Variants in FAM13A observed in about 807,000 individuals in gnomAD.
FAM13A encodes the protein protein FAM13A.
FAM13A carries 76 observed loss-of-function variants against 129.6 expected under a neutral mutation model. That is an observed-to-expected ratio of 0.59 (90% CI 0.49 to 0.71). The LOEUF (loss-of-function observed/expected upper bound fraction) is 0.71, where lower values mean the gene tolerates loss of function less well. Among genes scored for constraint, FAM13A ranks in the 30% least tolerant of loss-of-function variants. The probability of loss-of-function intolerance (pLI) is 0.00; values close to 1 mark genes in which losing one functional copy is unlikely to be tolerated. For missense variants in FAM13A, 1,108 were observed against 1,249.3 expected (o/e 0.89, Z 1.70); for synonymous variants, 443 against 449.9 (o/e 0.98, Z 0.20).
At chr4:88,952,349 T>C (rs867663344) in intron 4 of FAM13A, among the ~76,000 whole-genome samples, 47 of 152,172 alleles carry the variant, frequency 3.1e-4, no homozygotes, top group African/African-American at 1.1e-3. Context: ...TTCATTGCTA[T>C]AGTATTGATC....
intron 3 of FAM13A, among the ~76,000 whole-genome samples, chr4:88,998,162 G>A (rs1763800464): frequency 6.6e-6 from 1 of 152,170 alleles, no homozygotes; most frequent in African/African-American, 2.4e-5. Context: ...GAGATTTAGA[G>A]TAGAGGAACC....
At chr4:88,849,458 T>C (rs1183087570) in intron 7 of FAM13A, among the ~76,000 whole-genome samples, 1 of 152,230 alleles carries the variant, frequency 6.6e-6, no homozygotes, top group Non-Finnish European at 1.5e-5. Context: ...TTCTTTTGCA[T>C]TTGCTATTAT....
intron 1 of FAM13A, among the ~76,000 whole-genome samples, chr4:89,048,968 A>C (rs1238457212): frequency 1.3e-5 from 2 of 152,254 alleles, no homozygotes; most frequent in Non-Finnish European, 2.9e-5. Flanking sequence ...AACAGAAAAG[A>C]ACCATATTGT....
At chr4:88,858,105 G>A (rs1474482387) in intron 6 of FAM13A, among the ~76,000 whole-genome samples, 1 of 152,198 alleles carries the variant, frequency 6.6e-6, no homozygotes, top group Non-Finnish European at 1.5e-5. Context: ...ATTAATGCAT[G>A]ACTATGAGTC....
At chr4:88,841,883 A>G (rs1305094753) in intron 7 of FAM13A, among the ~76,000 whole-genome samples, 1 of 152,202 alleles carries the variant, frequency 6.6e-6, no homozygotes, top group African/African-American at 2.4e-5. Context: ...CATATGATTC[A>G]GCAATTCCAC....
intron 4 of FAM13A, among the ~76,000 whole-genome samples, chr4:88,974,761 A>G (rs1760669860): frequency 6.6e-6 from 1 of 152,232 alleles, no homozygotes; most frequent in African/African-American, 2.4e-5. Context: ...TATCAAAACC[A>G]GAAGAAAGAG....
At chr4:88,788,287 T>C (rs1469107848) in intron 9 of FAM13A, among the ~76,000 whole-genome samples, 3 of 152,124 alleles carry the variant, frequency 2.0e-5, no homozygotes, top group African/African-American at 4.8e-5. Flanking sequence ...AGAATAATAG[T>C]AGACCTATTC....
intron 6 of FAM13A, among the ~76,000 whole-genome samples, chr4:88,875,748 C>G (rs936084924): frequency 1.3e-5 from 2 of 152,176 alleles, no homozygotes; most frequent in African/African-American, 4.8e-5. Context: ...CCTCAAGGAT[C>G]TAGAACTAGA....
At chr4:88,776,972 T>TCAAACAAACAAA (rs373186617) in intron 11 of FAM13A, among the ~76,000 whole-genome samples, 18 of 151,834 alleles carry the variant, frequency 1.2e-4, no homozygotes, top group African/African-American at 4.4e-4. Context: ...AAACTCCATC[T>TCAAACAAACAAA]CAAACAAACA....
At position 88,731,416 on chromosome 4, in the gene FAM13A, CA is replaced by C; in HGVS notation, c.2855del (p.Leu952ArgfsTer7). The C allele has an allele frequency of 6.3e-7, 1 of 1,593,392 alleles. No individual in the cohort carries two copies. ...NLHAASIPEL[L>X]EHLQEMREEK... ...CTTCTCTCATTTCCTGGAGGTGTTC[CA>C]GGAGTTCAGGTCTAAGAGAGAGGAA... is the stretch of plus-strand genomic sequence containing the variant. On this transcript the variant is annotated frameshift_variant, in exon 23 of 24. Coordinates refer to ENST00000264344, the MANE Select transcript of FAM13A (RefSeq NM_014883.4). LOFTEE classifies it high-confidence loss of function.
chr4:88,965,860 A>G (rs1005241590), intron 4 of FAM13A, among the ~76,000 whole-genome samples: 7 of 152,200 alleles, frequency 4.6e-5, no homozygotes, highest in African/African-American at 1.7e-4. Flanking sequence ...AACGTCGGCA[A>G]GGTTCGTCCA....
chr4:88,979,461 T>C (rs972576952), intron 4 of FAM13A, among the ~76,000 whole-genome samples: 1 of 152,238 alleles, frequency 6.6e-6, no homozygotes, highest in Non-Finnish European at 1.5e-5. Flanking sequence ...CCAGGCCTTC[T>C]GGATTCAGAA....
intron 19 of FAM13A, among the ~76,000 whole-genome samples, chr4:88,741,751 T>C (rs772926662): frequency 2.6e-5 from 4 of 152,184 alleles, no homozygotes; most frequent in Non-Finnish European, 2.9e-5. Context: ...GATTTTGGGA[T>C]TTGGGATGCT....
Position 88,869,558 on chromosome 4 carries a change from T to C in FAM13A, c.844-18375A>G, listed in dbSNP as rs532187032. Among the ~76,000 whole-genome samples, 3 of 152,360 alleles carry C rather than the reference T, an allele frequency of 2.0e-5. No homozygotes were observed. In the East Asian group the frequency reaches 5.8e-4, roughly 29 times the overall value. On this transcript the variant is annotated intron_variant, in intron 6 of 23. Transcript: ENST00000264344. ...GTAGATTCCTTCAAGAGGTCTTCCC[T>C]GATGTATCAGCTTAAATCAGGCACC...
chr4:89,022,976 T>C (rs1054340164), intron 2 of FAM13A, among the ~76,000 whole-genome samples: 3 of 152,228 alleles, frequency 2.0e-5, no homozygotes, highest in African/African-American at 7.2e-5. Flanking sequence ...GCTGACACCA[T>C]GATCACGGCC....
At chr4:88,948,369 A>C (rs1292237077) in intron 4 of FAM13A, among the ~76,000 whole-genome samples, 1 of 152,158 alleles carries the variant, frequency 6.6e-6, no homozygotes, top group East Asian at 1.9e-4. Context: ...AAGTTACGTG[A>C]AGGAAGCTTT....
At chr4:88,730,874 C>T (rs917954121) in intron 23 of FAM13A, among the ~76,000 whole-genome samples, 3 of 152,230 alleles carry the variant, frequency 2.0e-5, no homozygotes, top group African/African-American at 7.2e-5. Context: ...GACCACAGCT[C>T]CCTGCAGCCT....
intron 5 of FAM13A, among the ~76,000 whole-genome samples, chr4:88,924,430 C>A (rs927504627): frequency 6.6e-6 from 1 of 152,102 alleles, no homozygotes; most frequent in Admixed American, 6.6e-5. Context: ...CTTTGACAAA[C>A]CTGACAAAAA....
At chr4:88,756,316 C>A (rs188716745) in intron 14 of FAM13A, among the ~76,000 whole-genome samples, 1 of 152,302 alleles carries the variant, frequency 6.6e-6, no homozygotes, top group East Asian at 1.9e-4. Flanking sequence ...CCTACGGAAT[C>A]TATTTATTAG....
Sources: gnomAD v4.1 joint callset for allele counts (sites outside exome capture counted in the v4.1 genomes callset) on GRCh38, gnomAD v4.1.1 for gene constraint, MANE v1.5 for transcripts, NCBI Gene and HGNC (gene_info 2026-07-23, HGNC 2026-07-21) for gene names.